Variants in CDH18 observed in about 807,000 individuals in gnomAD.
CDH18 encodes the protein cadherin 18.
Under a neutral mutation model 67.9 loss-of-function variants are expected in CDH18, and 31 were observed. That is an observed-to-expected ratio of 0.46 (90% CI 0.34 to 0.62). The LOEUF is 0.62. Among genes scored for constraint, CDH18 ranks in the 20% least tolerant of loss-of-function variants. CDH18 has a pLI of 0.01. For missense variants in CDH18, 890 were observed against 975.5 expected, an observed-to-expected ratio of 0.91 and a Z score of 1.17; for synonymous variants, 362 against 347.2, an observed-to-expected ratio of 1.04 and a Z score of -0.48.
chr5:20,453,751 G>A (rs1241144435), intron 1 of CDH18, among the ~76,000 whole-genome samples: 1 of 151,996 alleles, frequency 6.6e-6, no homozygotes, highest in African/African-American at 2.4e-5. Flanking sequence ...CAGCTCAGCT[G>A]TCATTAATTT....
chr5:19,591,692 A>G (rs1315371340), intron 6 of CDH18, among the ~76,000 whole-genome samples: 1 of 152,106 alleles, frequency 6.6e-6, no homozygotes, highest in African/African-American at 2.4e-5. Flanking sequence ...ATAAAATGCC[A>G]TAGCCTGTTT....
intron 9 of CDH18, among the ~76,000 whole-genome samples, chr5:19,536,712 G>A (rs1420062954): frequency 3.3e-5 from 5 of 152,144 alleles, no homozygotes; most frequent in Non-Finnish European, 7.3e-5. Flanking sequence ...TGGAAGGCCT[G>A]GTACAACCAG....
chr5:20,217,723 C>A (rs561360050), intron 2 of CDH18, among the ~76,000 whole-genome samples: 1 of 151,540 alleles, frequency 6.6e-6, no homozygotes, highest in Admixed American at 6.6e-5. Context: ...AAGCAAAAGA[C>A]AGAATGGCTT....
intron 1 of CDH18, among the ~76,000 whole-genome samples, chr5:20,298,028 TG>T (rs1415488843): frequency 1.3e-5 from 2 of 152,046 alleles, no homozygotes; most frequent in African/African-American, 4.8e-5. Flanking sequence ...TATTTTCACT[TG>T]AACTAACTAG....
Position 19,620,585 on chromosome 5 carries a change from GA to G in CDH18, c.644-7985del, listed in dbSNP as rs532272546. On this transcript the variant is annotated intron_variant, in intron 5 of 12. Transcript: ENST00000382275. ...GAGGAAATGAAGAAGCAGAATGAGA[GA>G]GGGGGGACATGATCATAAAAGTGGT... Among the ~76,000 whole-genome samples the G allele has an allele frequency of 4.9e-4, 75 of 152,252 alleles. 1 individual carries two copies. Among genetic ancestry groups the G allele is most frequent in the East Asian group, 4.8e-3 (25 of 5,176 alleles).
At chr5:19,711,614 C>G (rs370181001) in intron 5 of CDH18, among the ~76,000 whole-genome samples, 141 of 125,636 alleles carry the variant, frequency 1.1e-3, no homozygotes, top group African/African-American at 3.9e-3. Flanking sequence ...AATGGAATAA[C>G]AGCTTACACA....
intron 1 of CDH18, among the ~76,000 whole-genome samples, chr5:20,336,019 T>C (rs1281894351): frequency 1.3e-5 from 2 of 152,088 alleles, no homozygotes; most frequent in Non-Finnish European, 2.9e-5. Flanking sequence ...ATGAATAAAA[T>C]TATGTACTAT....
At chr5:19,613,312 T>G (rs1749298986) in intron 5 of CDH18, among the ~76,000 whole-genome samples, 1 of 152,172 alleles carries the variant, frequency 6.6e-6, no homozygotes. Context: ...TAGAACAATT[T>G]ACATAGCTTC....
intron 2 of CDH18, among the ~76,000 whole-genome samples, chr5:19,866,544 A>T (rs952515717): frequency 2.6e-5 from 4 of 152,206 alleles, no homozygotes; most frequent in Non-Finnish European, 5.9e-5. Flanking sequence ...TGGCGAACCT[A>T]TCTGGTACGA....
intron 2 of CDH18, among the ~76,000 whole-genome samples, chr5:20,119,005 A>T (rs1446050041): frequency 6.6e-6 from 1 of 152,150 alleles, no homozygotes; most frequent in East Asian, 1.9e-4. Context: ...ACTATTTTGC[A>T]CAATTATACT....
At chr5:19,936,475 T>A (rs1794280835) in intron 2 of CDH18, among the ~76,000 whole-genome samples, 1 of 151,234 alleles carries the variant, frequency 6.6e-6, no homozygotes, top group African/African-American at 2.4e-5. Flanking sequence ...GAATTTAAAA[T>A]TTTTAAAGCA....
chr5:19,775,325 C>T (rs189807600), intron 3 of CDH18, among the ~76,000 whole-genome samples: 7 of 152,236 alleles, frequency 4.6e-5, no homozygotes, highest in Non-Finnish European at 1.0e-4. Context: ...AAAGAAATAC[C>T]TGAGACGGGG....
chr5:19,786,570 C>A (rs867468833), intron 3 of CDH18, among the ~76,000 whole-genome samples: 1 of 152,048 alleles, frequency 6.6e-6, no homozygotes, highest in Non-Finnish European at 1.5e-5. Context: ...GAGTACTATA[C>A]CTAAAAGATA....
intron 2 of CDH18, among the ~76,000 whole-genome samples, chr5:20,079,550 T>C (rs1223397257): frequency 6.6e-6 from 1 of 152,186 alleles, no homozygotes. Context: ...GGCATACTGA[T>C]TGCAATTCCC....
At chr5:19,659,115 C>T (rs987902637) in intron 5 of CDH18, among the ~76,000 whole-genome samples, 11 of 152,082 alleles carry the variant, frequency 7.2e-5, no homozygotes, top group African/African-American at 2.7e-4. Context: ...TTTTAAACTT[C>T]TAAAATATTT....
At position 19,684,121 on chromosome 5, in the gene CDH18, A is replaced by G. The variant is rs918131655; in HGVS notation, c.643+37226T>C. Among the ~76,000 whole-genome samples, 3 of 151,972 alleles carry G rather than the reference A, an allele frequency of 2.0e-5. No individual in the cohort carries two copies. In the East Asian group the frequency reaches 5.8e-4, roughly 29 times the overall value. On this transcript the variant is annotated intron_variant, in intron 5 of 12. Coordinates refer to ENST00000382275, the MANE Select transcript of CDH18 (RefSeq NM_004934.5). ...TTTCTAATTGTTTGTTTTTCATGAC[A>G]TTTTCCCATCCAGCTGAGAAATCTC...
intron 2 of CDH18, among the ~76,000 whole-genome samples, chr5:19,877,350 G>A (rs1308426013): frequency 6.6e-6 from 1 of 152,054 alleles, no homozygotes; most frequent in Non-Finnish European, 1.5e-5. Context: ...TTTAAATGTG[G>A]GTATGCTTTG....
intron 1 of CDH18, among the ~76,000 whole-genome samples, chr5:20,379,831 T>C (rs1319251629): frequency 6.6e-6 from 1 of 151,682 alleles, no homozygotes; most frequent in Non-Finnish European, 1.5e-5. Context: ...TCTTGAAGAA[T>C]CAGTATGAGA....
chr5:20,365,404 G>A (rs796870781), intron 1 of CDH18, among the ~76,000 whole-genome samples: 146 of 152,238 alleles, frequency 9.6e-4, no homozygotes, highest in African/African-American at 3.3e-3. Context: ...CAAATATTCA[G>A]TCCACAAGCA....
Sources: gnomAD v4.1 joint callset for allele counts (sites outside exome capture counted in the v4.1 genomes callset) on GRCh38, gnomAD v4.1.1 for gene constraint, MANE v1.5 for transcripts, NCBI Gene and HGNC (gene_info 2026-07-23, HGNC 2026-07-21) for gene names.